Variants in IMMP2L observed in about 807,000 individuals in gnomAD.
The protein encoded by IMMP2L is mitochondrial inner membrane protease subunit 2.
In IMMP2L, 18 loss-of-function variants were observed where a neutral mutation model predicts 19.3. The observed-to-expected ratio is 0.93, with a 90% CI of 0.64 to 1.38. IMMP2L has a LOEUF of 1.38. IMMP2L is among the 40% of genes most tolerant of loss of function. IMMP2L has a pLI of 0.00. For missense variants in IMMP2L, 233 were observed against 218.2 expected (o/e 1.07, Z -0.43); for synonymous variants, 76 against 73.0 (o/e 1.04, Z -0.21).
intron 3 of IMMP2L, among the ~76,000 whole-genome samples, chr7:111,207,036 T>A (rs1418285741): frequency 6.6e-6 from 1 of 152,218 alleles, no homozygotes; most frequent in Non-Finnish European, 1.5e-5. Flanking sequence ...TTAAGGAAAT[T>A]TATTCAATGA....
intron 3 of IMMP2L, among the ~76,000 whole-genome samples, chr7:111,074,520 T>C (rs903752065): frequency 2.0e-5 from 3 of 152,226 alleles, no homozygotes; most frequent in African/African-American, 7.2e-5. Context: ...TTTTTGGACA[T>C]ATTTCTGCCT....
chr7:110,852,591 G>T (rs1410618105), intron 5 of IMMP2L, among the ~76,000 whole-genome samples: 1 of 152,052 alleles, frequency 6.6e-6, no homozygotes, highest in Non-Finnish European at 1.5e-5. Context: ...AAGCAAATCT[G>T]GGGAGGAGGA....
At chr7:111,038,895 C>T (rs149358181) in intron 3 of IMMP2L, among the ~76,000 whole-genome samples, 1,978 of 152,058 alleles carry the variant, frequency 0.013, 16 homozygotes, top group Non-Finnish European at 0.014. Flanking sequence ...AACTTGGGGA[C>T]GATAACTCAT....
intron 1 of IMMP2L, among the ~76,000 whole-genome samples, chr7:111,534,867 CCT>C (rs1191284738): frequency 2.0e-5 from 3 of 152,048 alleles, no homozygotes; most frequent in East Asian, 1.9e-4. Flanking sequence ...GATATTTTCC[CCT>C]GTGTTTAAAA....
intron 5 of IMMP2L, among the ~76,000 whole-genome samples, chr7:110,742,840 T>C (rs1797076417): frequency 6.6e-6 from 1 of 151,896 alleles, no homozygotes; most frequent in Non-Finnish European, 1.5e-5. Flanking sequence ...CAACATTAAG[T>C]AGGGGATGCA....
At chr7:111,483,268 C>G (rs1398155252) in intron 3 of IMMP2L, among the ~76,000 whole-genome samples, 1 of 152,110 alleles carries the variant, frequency 6.6e-6, no homozygotes, top group Non-Finnish European at 1.5e-5. Flanking sequence ...TATGAAAGAA[C>G]CTCTGTCCCG....
intron 3 of IMMP2L, among the ~76,000 whole-genome samples, chr7:111,459,952 A>C (rs1479332518): frequency 6.6e-6 from 1 of 152,144 alleles, no homozygotes; most frequent in African/African-American, 2.4e-5. Flanking sequence ...AAAATCAGAG[A>C]ATTTGAATAA....
chr7:110,800,267 T>C (rs974461452), intron 5 of IMMP2L, among the ~76,000 whole-genome samples: 5 of 151,934 alleles, frequency 3.3e-5, no homozygotes, highest in Non-Finnish European at 7.4e-5. Context: ...ACAATTGGAG[T>C]ATTAGAAATA....
At chr7:111,430,784 G>C (rs1211914208) in intron 3 of IMMP2L, among the ~76,000 whole-genome samples, 1 of 151,560 alleles carries the variant, frequency 6.6e-6, no homozygotes, top group Non-Finnish European at 1.5e-5. Context: ...CTTTTACCCA[G>C]GGAGAGAAAT....
intron 4 of IMMP2L, among the ~76,000 whole-genome samples, chr7:110,955,963 T>C (rs1352467921): frequency 2.6e-5 from 4 of 152,046 alleles, no homozygotes; most frequent in African/African-American, 7.2e-5. Flanking sequence ...AAGCATCATT[T>C]GTAGTTTTAC....
At chr7:111,154,235 T>C (rs767767100) in intron 3 of IMMP2L, among the ~76,000 whole-genome samples, 1 of 152,152 alleles carries the variant, frequency 6.6e-6, no homozygotes, top group Non-Finnish European at 1.5e-5. Flanking sequence ...AAAGTACCTT[T>C]AATAGATATT....
At chr7:111,065,236 T>C (rs933780865) in intron 3 of IMMP2L, among the ~76,000 whole-genome samples, 4 of 152,340 alleles carry the variant, frequency 2.6e-5, no homozygotes, top group Admixed American at 6.5e-5. Flanking sequence ...TGACATAAGA[T>C]TTATTGACTT....
At chr7:111,134,678 C>T (rs1197431198) in intron 3 of IMMP2L, among the ~76,000 whole-genome samples, 1 of 151,880 alleles carries the variant, frequency 6.6e-6, no homozygotes, top group Non-Finnish European at 1.5e-5. Context: ...AGTTATTTTT[C>T]AATTCTTCAA....
At chr7:110,664,884 T>C (rs1361308302) in intron 5 of IMMP2L, 1 of 152,206 alleles carries the variant, frequency 6.6e-6, no homozygotes, top group Admixed American at 6.5e-5. Context: ...ACATAAAACA[T>C]TCCTTTCACT....
intron 3 of IMMP2L, among the ~76,000 whole-genome samples, chr7:111,219,943 C>T (rs1812341739): frequency 6.6e-6 from 1 of 151,868 alleles, no homozygotes; most frequent in Non-Finnish European, 1.5e-5. Context: ...TATCAGAAGC[C>T]AATAAGTAGC....
chr7:111,458,513 A>G (rs1348553305), intron 3 of IMMP2L, among the ~76,000 whole-genome samples: 1 of 152,070 alleles, frequency 6.6e-6, no homozygotes, highest in African/African-American at 2.4e-5. Flanking sequence ...TTACCAATAA[A>G]ATTGTTCCTC....
At chr7:111,036,361 C>T (rs1354908279) in intron 3 of IMMP2L, among the ~76,000 whole-genome samples, 1 of 152,178 alleles carries the variant, frequency 6.6e-6, no homozygotes, top group African/African-American at 2.4e-5. Context: ...TTTGGGGCCT[C>T]AGCTTTCTCA....
At chr7:111,263,667 G>A (rs1817552371) in intron 3 of IMMP2L, among the ~76,000 whole-genome samples, 1 of 152,120 alleles carries the variant, frequency 6.6e-6, no homozygotes, top group Non-Finnish European at 1.5e-5. Flanking sequence ...GAAATCACTA[G>A]AGAGTCACTG....
intron 1 of IMMP2L, among the ~76,000 whole-genome samples, chr7:111,534,913 A>T (rs1424232047): frequency 6.6e-6 from 1 of 152,186 alleles, no homozygotes; most frequent in East Asian, 1.9e-4. Context: ...ATCCTAGAGC[A>T]GATTTTCAAC....
Sources: gnomAD v4.1 joint callset for allele counts (sites outside exome capture counted in the v4.1 genomes callset) on GRCh38, gnomAD v4.1.1 for gene constraint, MANE v1.5 for transcripts, NCBI Gene and HGNC (gene_info 2026-07-23, HGNC 2026-07-21) for gene names.